CDC73: variants seen among roughly 807,000 people sequenced by gnomAD.
CDC73 encodes parafibromin.
A neutral mutation model predicts 83.7 loss-of-function variants in CDC73; 21 were observed. The ratio of observed to expected loss-of-function variants is 0.25; its 90% CI spans 0.18 to 0.36. The LOEUF is 0.36. CDC73 is among the 10% of genes least tolerant of loss of function. The probability of loss-of-function intolerance (pLI) is 1.00; values close to 1 mark genes in which losing one functional copy is unlikely to be tolerated. For synonymous variants in CDC73, 224 were observed against 212.9 expected, an observed-to-expected ratio of 1.05 and a Z score of -0.45; for missense variants, 342 against 653.3, an observed-to-expected ratio of 0.52 and a Z score of 5.19.
At chr1:193,135,268 T>C in intron 3 of CDC73, 123 bp from the exon 4 acceptor site, 3 of 798,364 alleles carry the variant, frequency 3.8e-6, no homozygotes, top group East Asian at 2.7e-5. Context: ...TAAAACTGAA[T>C]TTTTTACCTA....
rs1676904653 is a variant in CDC73 at position 193,190,729 on chromosome 1, A to G, written c.973-13066A>G. ...TGCAAACTATTAACAATGAGCATTT[A>G]CAATCAGCAGTGATTTGGCAAATAC... On this transcript the variant is annotated intron_variant, in intron 10 of 16. Transcript: ENST00000367435. Among the ~76,000 whole-genome samples, 2 of 152,256 alleles carry G rather than the reference A, an allele frequency of 1.3e-5. 1 individual carries two copies. The highest frequency in any genetic ancestry group is 4.1e-4 in the South Asian group (2 of 4,838).
intron 13 of CDC73, among the ~76,000 whole-genome samples, chr1:193,214,281 T>C (rs914994670): frequency 1.3e-5 from 2 of 152,250 alleles, no homozygotes; most frequent in African/African-American, 2.4e-5. Flanking sequence ...TCCAGGTGTT[T>C]ATGTATAAAG....
rs1473522066 is a variant in CDC73 at position 193,176,399 on chromosome 1, A to C, written c.972+23955A>C. On this transcript the variant is annotated intron_variant, in intron 10 of 16. Transcript: ENST00000367435. ...TATGAACAGACAAAAAATCTTCAGC[A>C]TGTCCTCTTTAGGAGAAGTTGTCCT... is the stretch of plus-strand genomic sequence containing the variant. Among the ~76,000 whole-genome samples the C allele has an allele frequency of 2.0e-5, 3 of 152,242 alleles. No individual in the cohort carries two copies. In the East Asian group the frequency reaches 5.8e-4, roughly 29 times the overall value.
chr1:193,143,437 G>T (rs755016652), intron 7 of CDC73, among the ~76,000 whole-genome samples: 2 of 152,054 alleles, frequency 1.3e-5, no homozygotes, highest in Non-Finnish European at 2.9e-5. Flanking sequence ...CTAACTTTTA[G>T]ACCAAACATT....
chr1:193,135,545 G>T lies in CDC73; in HGVS notation c.379G>T (p.Ala127Ser), dbSNP rs1675777420. 1 of 1,613,526 alleles carries T rather than the reference G, an allele frequency of 6.2e-7. No individual in the cohort carries two copies. Among genetic ancestry groups the T allele is most frequent in the African/African-American group, 1.3e-5 (1 of 74,882 alleles). ...TTCTCTTTCTTTTATAGTCAAACGA[G>T]CTGCAGATGAAGTTTTAGCAGAAGC... Reference protein sequence around the residue: ...GLQRSTQVKRAADEVLAEAKK... With the variant: ...GLQRSTQVKRSADEVLAEAKK... The change falls in exon 5 of 17, where the codon GCT becomes TCT. Residue 127 changes from alanine (A) to serine (S), a missense_variant. By Grantham distance (99) the Ala-to-Ser change is moderately conservative. Around this residue, in one of 3 missense-constraint regions of CDC73, gnomAD observed 99 missense variants for 174.5 expected, o/e 0.57. Transcript: ENST00000367435.
At chr1:193,125,353 G>A (rs765836070) in intron 2 of CDC73, 136 bp downstream of exon 2, 46 of 684,884 alleles carry the variant, frequency 6.7e-5, no homozygotes, top group Non-Finnish European at 1.1e-4. Context: ...CGAACTCCTA[G>A]GCTCAAGTGA....
At chr1:193,145,936 A>G (rs74375916) in intron 7 of CDC73, among the ~76,000 whole-genome samples, 2,632 of 152,328 alleles carry the variant, frequency 0.017, 32 homozygotes, top group Non-Finnish European at 0.025. Flanking sequence ...GTCAATATTA[A>G]ATAAGCGGTA....
At chr1:193,149,321 G>A (rs1029153919) in intron 8 of CDC73, among the ~76,000 whole-genome samples, 3 of 151,726 alleles carry the variant, frequency 2.0e-5, no homozygotes, top group Admixed American at 2.0e-4. Context: ...GGTTTAGTTA[G>A]ATTCTCAAAC....
intron 10 of CDC73, among the ~76,000 whole-genome samples, chr1:193,183,125 A>G (rs892489000): frequency 1.7e-4 from 26 of 151,934 alleles, no homozygotes; most frequent in African/African-American, 6.3e-4. Context: ...TTGAATAGTT[A>G]TAAAGTAAAA....
intron 10 of CDC73, among the ~76,000 whole-genome samples, chr1:193,196,224 C>G (rs1048922950): frequency 2.0e-5 from 3 of 152,198 alleles, no homozygotes; most frequent in African/African-American, 7.2e-5. Flanking sequence ...CCAGTTTCCC[C>G]AGCACCATTT....
rs149448291 is a variant in CDC73 at position 193,219,251 on chromosome 1, G to A, written c.1154+6774G>A. 1.7e-3 allele frequency among the ~76,000 whole-genome samples: 264 copies of A among 152,296 alleles called. 2 individuals are homozygous for A. Among genetic ancestry groups the A allele is most frequent in the African/African-American group, 6.2e-3 (259 of 41,576 alleles). On this transcript the variant is annotated intron_variant, in intron 13 of 16. Transcript: ENST00000367435. The stretch of plus-strand genomic sequence containing the variant: ...AAACATCAGAAAATAATAGATCTTG[G>A]TGAGGTTGTGGAGAAAAGGGAATGC...
intron 3 of CDC73, among the ~76,000 whole-genome samples, chr1:193,133,059 G>A (rs1369715375): frequency 1.3e-4 from 19 of 151,808 alleles, no homozygotes; most frequent in Admixed American, 1.2e-3. Flanking sequence ...CTGCCACCAC[G>A]CCTGGCTAAC....
At chr1:193,124,984 T>A in intron 1 of CDC73, 128 bp from the exon 2 acceptor site, 1 of 692,780 alleles carries the variant, frequency 1.4e-6, no homozygotes. Flanking sequence ...ATTATTAGAT[T>A]TTATACTTTT....
intron 10 of CDC73, among the ~76,000 whole-genome samples, chr1:193,156,475 A>AT (rs563953435): frequency 7.4e-4 from 112 of 152,064 alleles, no homozygotes; most frequent in Non-Finnish European, 1.0e-3. Context: ...TTGGGGAACG[A>AT]TTTTTTTTGA....
rs1003436762 is a variant in CDC73, at chr1:193,254,333, A to G, written c.*3621A>G. 2.0e-5 allele frequency among the ~76,000 whole-genome samples: 3 copies of G among 152,102 alleles called. No homozygotes were observed. Among genetic ancestry groups the G allele is most frequent in the Non-Finnish European group, 2.9e-5 (2 of 67,950 alleles). On this transcript the variant is annotated 3_prime_UTR_variant, in exon 17 of 17. Transcript: ENST00000367435. ...CTCTGTTTCTTTAAAAAAGTACAAC[A>G]TGAAAATTTAATTACATTAGCCTTA... is the stretch of plus-strand genomic sequence containing the variant.
intron 13 of CDC73, among the ~76,000 whole-genome samples, chr1:193,219,612 A>G (rs1415044382): frequency 6.6e-6 from 1 of 152,180 alleles, no homozygotes; most frequent in Admixed American, 6.5e-5. Flanking sequence ...GCTGGAAGCC[A>G]TTATCCTAAC....
At chr1:193,211,547 C>G (rs1056092700) in intron 11 of CDC73, among the ~76,000 whole-genome samples, 2 of 152,194 alleles carry the variant, frequency 1.3e-5, no homozygotes, top group South Asian at 2.1e-4. Context: ...TCAGCCTTAT[C>G]ACTCTTACAC....
chr1:193,190,691 CTGTTT>C (rs1179589836), intron 10 of CDC73, among the ~76,000 whole-genome samples: 3 of 152,192 alleles, frequency 2.0e-5, no homozygotes, highest in Non-Finnish European at 4.4e-5. Context: ...ACACCTTTAT[CTGTTT>C]TAATTCATGC....
At chr1:193,146,176 C>T (rs561022699) in intron 7 of CDC73, among the ~76,000 whole-genome samples, 2 of 152,158 alleles carry the variant, frequency 1.3e-5, no homozygotes, top group South Asian at 4.1e-4. Context: ...TCATTGTACC[C>T]AAGTGCCAAG....
Sources: allele counts gnomAD v4.1 joint callset (sites outside exome capture counted in the v4.1 genomes callset), GRCh38; gene constraint gnomAD v4.1.1; regional missense constraint gnomAD v4.1.1; transcripts MANE v1.5; gene names NCBI Gene and HGNC (gene_info 2026-07-23, HGNC 2026-07-21).